MDFIC: variants seen among roughly 807,000 people sequenced by gnomAD.
MDFIC encodes myoD family inhibitor domain-containing protein.
Under a neutral mutation model 23.2 loss-of-function variants are expected in MDFIC, and 17 were observed. The ratio of observed to expected loss-of-function variants is 0.73; its 90% CI spans 0.50 to 1.10. The LOEUF is 1.10. Ranked by LOEUF, MDFIC falls within the 50% of genes least tolerant of loss-of-function variation. The probability of loss-of-function intolerance (pLI) is 0.00; values close to 1 mark genes in which losing one functional copy is unlikely to be tolerated. For synonymous variants in MDFIC, 120 were observed against 115.2 expected, an observed-to-expected ratio of 1.04 and a Z score of -0.27; for missense variants, 356 against 316.6, an observed-to-expected ratio of 1.12 and a Z score of -0.95.
rs983578414 is a variant in MDFIC, at chr7:115,016,834, G to C, written c.*899G>C. 7 of 152,202 alleles carry C rather than the reference G, an allele frequency of 4.6e-5. No individual in the cohort carries two copies. Among genetic ancestry groups the C allele is most frequent in the African/African-American group, 1.7e-4 (7 of 41,390 alleles). The allele number at this position is 152,202 out of a possible 1,614,324, so 9.4% of individuals were successfully genotyped here. A position where few individuals can be genotyped will look rare whatever the true frequency, so the allele number is the denominator to read the frequency against. ...TGTGGACTCTCTTCCTCAGACTGTG[G>C]GGACAGATACAATTCCACTCCTGTC... On this transcript the variant is annotated 3_prime_UTR_variant, in exon 5 of 5. Transcript: ENST00000393486.
chr7:114,949,682 T>C (rs566191278), intron 3 of MDFIC, among the ~76,000 whole-genome samples: 3 of 152,284 alleles, frequency 2.0e-5, no homozygotes, highest in Admixed American at 6.5e-5. Context: ...ATTCAAAGTT[T>C]ACAGTCTTGT....
chr7:114,940,205 G>C (rs1792511529), intron 2 of MDFIC, among the ~76,000 whole-genome samples: 1 of 152,200 alleles, frequency 6.6e-6, no homozygotes, highest in African/African-American at 2.4e-5. Context: ...ATATGGTTTT[G>C]TTTATAAAAA....
intron 3 of MDFIC, among the ~76,000 whole-genome samples, chr7:114,949,539 A>G (rs987413113): frequency 1.3e-5 from 2 of 152,238 alleles, no homozygotes; most frequent in Middle Eastern, 3.2e-3. Context: ...ATGTTGTTAT[A>G]TTGAAATTTG....
At chr7:114,983,592 G>A (rs1299848612) in intron 4 of MDFIC, among the ~76,000 whole-genome samples, 3 of 118,172 alleles carry the variant, frequency 2.5e-5, no homozygotes, top group African/African-American at 6.6e-5. Flanking sequence ...TTTTGAGGTC[G>A]TGTCTCACTC....
At chr7:115,003,068 G>C (rs562469313) in intron 4 of MDFIC, among the ~76,000 whole-genome samples, 79 of 152,100 alleles carry the variant, frequency 5.2e-4, no homozygotes, top group African/African-American at 1.9e-3. Flanking sequence ...AATTTCTCTG[G>C]CCAAACAGAG....
chr7:114,956,574 C>G (rs1792889651), intron 3 of MDFIC, among the ~76,000 whole-genome samples: 1 of 152,082 alleles, frequency 6.6e-6, no homozygotes, highest in East Asian at 1.9e-4. Flanking sequence ...ATCTTGATAA[C>G]TGAAACCAAT....
In MDFIC at chr7:114,923,080, A is replaced by G. The variant is rs1346775568; in HGVS notation, c.47A>G (p.Gln16Arg). 12 of 1,423,696 alleles carry G rather than the reference A, an allele frequency of 8.4e-6. No individual in the cohort carries two copies. The highest frequency in any genetic ancestry group is 1.5e-5 in the African/African-American group (1 of 65,772). The allele number at this position is 1,423,696 out of a possible 1,614,324, so 88.2% of individuals were successfully genotyped here. A position where few individuals can be genotyped will look rare whatever the true frequency, so the allele number is the denominator to read the frequency against. Residue 16 changes from glutamine (Q) to arginine (R), a missense_variant, in exon 2 of 5, where the codon CAG (glutamine) becomes CGG (arginine). By Grantham distance (43) the Gln-to-Arg change is conservative. Coordinates refer to ENST00000393486, the MANE Select transcript of MDFIC (RefSeq NM_001166345.3). ...CTCGCTCCCGGGCCCGTGGGGCCGC[A>G]GCGCGTGGCCGAGGCGGGCGGCGGC... ...EALAPGPVGPQRVAEAGGGQL... is the reference protein window; with the variant it reads ...EALAPGPVGPRRVAEAGGGQL...
At chr7:114,951,747 T>C (rs758859120) in intron 3 of MDFIC, among the ~76,000 whole-genome samples, 16 of 152,130 alleles carry the variant, frequency 1.1e-4, no homozygotes, top group Non-Finnish European at 1.8e-4. Context: ...TGGCAAAATA[T>C]CAGGGTGGGG....
At position 114,922,326 on chromosome 7, in the gene MDFIC, G is replaced by C; in HGVS notation, c.-418G>C. ...GAGGGAGAAGTGTTTCAGGATTGTA[G>C]GAGTGGAAGAGGGGAAAGAGAGGCA... On this transcript the variant is annotated 5_prime_UTR_variant, in exon 1 of 5. An upstream open reading frame in the 5' UTR loses its in-frame stop. Coordinates refer to ENST00000393486, the MANE Select transcript of MDFIC (RefSeq NM_001166345.3). 1 of 1,017,100 alleles carries C rather than the reference G, an allele frequency of 9.8e-7. No homozygotes were observed. Among genetic ancestry groups the C allele is most frequent in the Non-Finnish European group, 1.3e-6 (1 of 792,288 alleles). The allele number at this position is 1,017,100 out of a possible 1,614,324, so 63.0% of individuals were successfully genotyped here. A position where few individuals can be genotyped will look rare whatever the true frequency, so the allele number is the denominator to read the frequency against.
chr7:114,956,394 C>T (rs1225225088), intron 3 of MDFIC, among the ~76,000 whole-genome samples: 4 of 150,036 alleles, frequency 2.7e-5, no homozygotes, highest in African/African-American at 7.3e-5. Flanking sequence ...TATATACACA[C>T]ATATATATAT....
intron 4 of MDFIC, among the ~76,000 whole-genome samples, chr7:114,991,418 C>T (rs1328083330): frequency 6.6e-6 from 1 of 152,108 alleles, no homozygotes; most frequent in African/African-American, 2.4e-5. Context: ...ACATGAAGTC[C>T]TTGCCCATGC....
chr7:114,994,823 G>A (rs1379963184), intron 4 of MDFIC, among the ~76,000 whole-genome samples: 4 of 152,060 alleles, frequency 2.6e-5, no homozygotes, highest in African/African-American at 9.7e-5. Context: ...TGACAATTAT[G>A]TCTTGGAGTT....
At chr7:114,933,667 G>A (rs562414710) in intron 2 of MDFIC, among the ~76,000 whole-genome samples, 8 of 152,184 alleles carry the variant, frequency 5.3e-5, no homozygotes, top group South Asian at 2.1e-4. Context: ...TAGTTTTCTC[G>A]ACAAGATTAA....
chr7:115,011,670 G>T (rs1791684868), intron 4 of MDFIC, among the ~76,000 whole-genome samples: 1 of 152,098 alleles, frequency 6.6e-6, no homozygotes, highest in African/African-American at 2.4e-5. Context: ...TTCATTTCTT[G>T]GCTTAAGGCT....
chr7:114,931,710 A>C (rs1792311144), intron 2 of MDFIC, among the ~76,000 whole-genome samples: 1 of 152,226 alleles, frequency 6.6e-6, no homozygotes, highest in African/African-American at 2.4e-5. Context: ...GAAAATTTAG[A>C]GGTTGAGAGA....
At chr7:114,989,535 A>G (rs1793569603) in intron 4 of MDFIC, among the ~76,000 whole-genome samples, 1 of 152,226 alleles carries the variant, frequency 6.6e-6, no homozygotes, top group Non-Finnish European at 1.5e-5. Flanking sequence ...TGAGAAGGCA[A>G]TAATGATACC....
intron 4 of MDFIC, among the ~76,000 whole-genome samples, chr7:115,007,301 T>C (rs1357917431): frequency 1.3e-5 from 2 of 152,212 alleles, no homozygotes; most frequent in East Asian, 3.8e-4. Flanking sequence ...CACTTGCATG[T>C]TAAATCCTTT....
rs769257983 is a variant in MDFIC at position 114,979,517 on chromosome 7, C to A, written c.229C>A (p.Arg77Ser). ...TGTTTTTAATTTAGCCCAACCTCAG[C>A]GCTTGCCTCAGCTTCAGACTTCAGC... ...DGELIRTQPQ[R>S]LPQLQTSAQV... The change falls in exon 4 of 5, where the codon CGC becomes AGC. Residue 77 changes from arginine to serine, a missense_variant. Coordinates refer to ENST00000393486, the MANE Select transcript of MDFIC (RefSeq NM_001166345.3). 4 of 1,610,702 alleles carry A rather than the reference C, an allele frequency of 2.5e-6. No homozygotes were observed. Among genetic ancestry groups the A allele is most frequent in the South Asian group, 1.1e-5 (1 of 90,594 alleles).
At chr7:114,990,376 G>C (rs1307565012) in intron 4 of MDFIC, among the ~76,000 whole-genome samples, 1 of 151,154 alleles carries the variant, frequency 6.6e-6, no homozygotes, top group Non-Finnish European at 1.5e-5. Flanking sequence ...TATACTTTAA[G>C]TTCTAGGATA....
Sources: gnomAD v4.1 joint callset for allele counts (sites outside exome capture counted in the v4.1 genomes callset) on GRCh38, gnomAD v4.1.1 for gene constraint, MANE v1.5 for transcripts, NCBI Gene and HGNC (gene_info 2026-07-23, HGNC 2026-07-21) for gene names.